Variants in C16orf89 observed in about 807,000 individuals in gnomAD.
The protein encoded by C16orf89 is UPF0764 protein C16orf89.
A neutral mutation model predicts 41.5 loss-of-function variants in C16orf89; 57 were observed. The observed-to-expected ratio is 1.38, with a 90% CI of 1.11 to 1.71. The LOEUF is 1.71. Ranked by LOEUF, C16orf89 falls within the 40% of genes most tolerant of loss-of-function variation. C16orf89 has a pLI of 0.00. For synonymous variants in C16orf89, 223 were observed against 190.6 expected (o/e 1.17, Z -1.40); for missense variants, 575 against 445.9 (o/e 1.29, Z -2.61).
intron 1 of C16orf89, 107 bp downstream of exon 1, chr16:5,065,594 T>C (rs1043397647): frequency 1.5e-6 from 2 of 1,303,102 alleles, no homozygotes; most frequent in Non-Finnish European, 2.1e-6. Flanking sequence ...AGGCAGGCTA[T>C]ACTGGGGCCA....
chr16:5,064,049 C>T (rs1290572923), intron 1 of C16orf89, among the ~76,000 whole-genome samples: 1 of 152,212 alleles, frequency 6.6e-6, no homozygotes, highest in East Asian at 1.9e-4. Flanking sequence ...TCGCTTGAAC[C>T]TGGAGGTGGA....
chr16:5,056,297 G>T, intron 4 of C16orf89, 109 bp from the exon 5 acceptor site: 1 of 1,067,862 alleles, frequency 9.4e-7, no homozygotes, highest in Non-Finnish European at 1.3e-6. Flanking sequence ...AAGGGGCTGT[G>T]TTTAGGGCTG....
chr16:5,065,272 G>A (rs186163104), intron 1 of C16orf89, among the ~76,000 whole-genome samples: 1 of 152,264 alleles, frequency 6.6e-6, no homozygotes, highest in East Asian at 1.9e-4. Context: ...AGGAGACTTT[G>A]GCTGCAAGTG....
chr16:5,065,888 C>A lies in C16orf89; in HGVS notation c.21G>T (p.Leu7=), dbSNP rs1956731883. The part of the protein sequence containing the change: MASLGL[L]LLLLLTALPP... ...GCAGTGCTGTCAGTAAGAGCAGGAG[C>A]AGCAGCCCCAGGCTGGCCATGGCCG... The change falls in exon 1 of 8, where the codon CTG becomes CTT. Residue 7 remains leucine (L), a synonymous_variant. Transcript: ENST00000472572. 4 of 1,613,706 alleles carry A rather than the reference C, an allele frequency of 2.5e-6. No homozygotes were observed. The African/African-American group carries it at 5.3e-5, about 22-fold the overall frequency.
Position 5,044,299 on chromosome 16 carries a change from C to T in C16orf89, c.*49G>A, listed in dbSNP as rs1956253204. 6.5e-7 allele frequency: 1 copy of T among 1,548,846 alleles called. No individual in the cohort carries two copies. Among genetic ancestry groups the T allele is most frequent in the African/African-American group, 1.4e-5 (1 of 72,774 alleles). On this transcript the variant is annotated 3_prime_UTR_variant, in exon 8 of 8. Transcript: ENST00000472572. ...CCCTCCAGGATCTAAGGGATGAGGA[C>T]TAAAGGGGTCTGTTCCTCCTCCAGG...
Position 5,065,865 on chromosome 16 carries a change from A to T in C16orf89, c.44T>A (p.Leu15Gln). 6.2e-7 allele frequency: 1 copy of T among 1,614,220 alleles called. No homozygotes were observed. ...CAGTGAGGAGGACCACAGCGGTGGC[A>T]GTGCTGTCAGTAAGAGCAGGAGCAG... ...GLLLLLLLTA[L>Q]PPLWSSSLPG... The change falls in exon 1 of 8, where the codon CTG becomes CAG. Residue 15 changes from leucine to glutamine, a missense_variant. Leu to Gln is a moderately radical substitution (Grantham distance 113, BLOSUM62 -2). Transcript: ENST00000472572.
chr16:5,045,972 G>A (rs780736572), intron 7 of C16orf89, among the ~76,000 whole-genome samples: 1 of 152,158 alleles, frequency 6.6e-6, no homozygotes, highest in Non-Finnish European at 1.5e-5. Context: ...GACAGTCCTC[G>A]TGTTGGGCTC....
At position 5,056,121 on chromosome 16, in the gene C16orf89, A is replaced by G. The variant is rs1387061116; in HGVS notation, c.695T>C (p.Met232Thr). The G allele has an allele frequency of 6.3e-7, 1 of 1,599,840 alleles. No homozygotes were observed. The highest frequency in any genetic ancestry group is 1.7e-5 in the Admixed American group (1 of 59,812). ...DYINLFCANMMDLNRRAEAIG... is the reference protein window; with the variant it reads ...DYINLFCANMTDLNRRAEAIG... ...GGCCTCAGCTCTGCGGTTCAAGTCC[A>G]TCATGTTGGCGCAGAAGAGGTTGAT... Residue 232 changes from methionine to threonine, a missense_variant, in exon 5 of 8, where the codon ATG becomes ACG. Physicochemically the swap from Met to Thr is moderately conservative, Grantham distance 81. Transcript: ENST00000472572.
chr16:5,060,289 G>A lies in C16orf89; in HGVS notation c.506C>T (p.Thr169Ile), dbSNP rs543397135. Residue 169 changes from threonine to isoleucine, a missense_variant, in exon 3 of 8, where the codon ACC becomes ATC. Coordinates refer to ENST00000472572, the MANE Select transcript of C16orf89 (RefSeq NM_001098514.3). ...ATAGGGCAAGTGCAGGGCCCACCCG[G>A]TTCCCAGCAGCTGCACCAGGCACAC... ...SDVCLVQLLGTGTDSSEPCGL... is the reference protein window; with the variant it reads ...SDVCLVQLLGIGTDSSEPCGL... 19 of 1,608,206 alleles carry A rather than the reference G, an allele frequency of 1.2e-5. No individual in the cohort carries two copies. In the African/African-American group the frequency reaches 2.0e-4, roughly 17 times the overall value.
chr16:5,065,050 T>TTG (rs1022536074), intron 1 of C16orf89, among the ~76,000 whole-genome samples: 13 of 151,776 alleles, frequency 8.6e-5, no homozygotes, highest in Non-Finnish European at 1.6e-4. Flanking sequence ...ACCTGTGTGC[T>TTG]TGTGTGTGTG....
chr16:5,054,364 C>G (rs1162980028), intron 6 of C16orf89, among the ~76,000 whole-genome samples: 1 of 152,168 alleles, frequency 6.6e-6, no homozygotes. Flanking sequence ...TGGGAAGTGG[C>G]TGAGTCCTCT....
At position 5,062,416 on chromosome 16, in the gene C16orf89, T is replaced by A. The variant is rs754062923; in HGVS notation, c.358+9A>T. ...TCCTGAGGGAATGGGACACCCTGCG[T>A]GTGCTCACCTCTTAGGTACTTGGGA... On this transcript the variant is annotated intron_variant, in intron 2 of 7. Coordinates refer to ENST00000472572, the MANE Select transcript of C16orf89 (RefSeq NM_001098514.3). 1 of 1,607,892 alleles carries A rather than the reference T, an allele frequency of 6.2e-7. No homozygotes were observed. Among genetic ancestry groups the A allele is most frequent in the Non-Finnish European group, 8.5e-7 (1 of 1,177,296 alleles).
chr16:5,060,945 C>CTT (rs386384101), intron 2 of C16orf89, among the ~76,000 whole-genome samples: 18,445 of 93,310 alleles, frequency 0.2, 2,449 homozygotes, highest in East Asian at 0.47. Flanking sequence ...TATGATCAGC[C>CTT]TTTTTTTTTT....
chr16:5,063,762 C>T (rs972243091), intron 1 of C16orf89, among the ~76,000 whole-genome samples: 1 of 152,334 alleles, frequency 6.6e-6, no homozygotes, highest in Admixed American at 6.5e-5. Flanking sequence ...TGCAGGAAAA[C>T]AGTCTCAGGG....
chr16:5,058,488 C>A lies in C16orf89; in HGVS notation c.627+5G>T, dbSNP rs778808233. The A allele has an allele frequency of 1.3e-5, 21 of 1,594,676 alleles. No homozygotes were observed. In the African/African-American group the frequency reaches 2.7e-4, roughly 20 times the overall value. Reference sequence around the variant, plus strand: ...TGGCACGGCGGGGGCTCCCTGGGCACTCACCATTCTGGCCCAGAGGAAGAA... The same window carrying A: ...TGGCACGGCGGGGGCTCCCTGGGCAATCACCATTCTGGCCCAGAGGAAGAA... On this transcript the variant is annotated splice_donor_5th_base_variant and intron_variant, in intron 4 of 7. Transcript: ENST00000472572.
At chr16:5,057,982 C>G (rs1485220181) in intron 4 of C16orf89, among the ~76,000 whole-genome samples, 1 of 152,102 alleles carries the variant, frequency 6.6e-6, no homozygotes, top group Admixed American at 6.6e-5. Context: ...AATGCCAGAT[C>G]CCAAATCGGC....
intron 7 of C16orf89, among the ~76,000 whole-genome samples, chr16:5,047,589 T>A (rs1458271701): frequency 6.6e-6 from 1 of 151,914 alleles, no homozygotes; most frequent in Non-Finnish European, 1.5e-5. Flanking sequence ...TGCCTCAGAC[T>A]CCCGAGTAAC....
chr16:5,062,600 T>A lies in C16orf89; in HGVS notation c.209-26A>T, dbSNP rs111978228. On this transcript the variant is annotated intron_variant, in intron 1 of 7. Transcript: ENST00000472572. ...CTGGAAGGGAACAGAGTTAATTCAT[T>A]CAACTATTTGGAATCGGGACCTTTT... is the stretch of plus-strand genomic sequence containing the variant. 2.5e-4 allele frequency: 387 copies of A among 1,549,348 alleles called. 1 individual carries two copies. The African/African-American group carries it at 4.9e-3, about 20-fold the overall frequency.
chr16:5,054,060 C>A (rs988806948), intron 6 of C16orf89, among the ~76,000 whole-genome samples: 1 of 152,228 alleles, frequency 6.6e-6, no homozygotes, highest in Admixed American at 6.5e-5. Context: ...CGAAGCTATA[C>A]ATCTGGAGGC....
Sources: gnomAD v4.1 joint callset for allele counts (sites outside exome capture counted in the v4.1 genomes callset) on GRCh38, gnomAD v4.1.1 for gene constraint, MANE v1.5 for transcripts, NCBI Gene and HGNC (gene_info 2026-07-23, HGNC 2026-07-21) for gene names.